FAM13A: variants seen among roughly 807,000 people sequenced by gnomAD.
FAM13A encodes family with sequence similarity 13 member A.
Under a neutral mutation model 129.6 loss-of-function variants are expected in FAM13A, and 76 were observed. The observed-to-expected ratio is 0.59, with a 90% CI of 0.49 to 0.71. FAM13A has a LOEUF of 0.71. Among genes scored for constraint, FAM13A ranks in the 30% least tolerant of loss-of-function variants. The pLI is 0.00. For missense variants in FAM13A, 1,108 were observed against 1,249.3 expected (o/e 0.89, Z 1.70); for synonymous variants, 443 against 449.9 (o/e 0.98, Z 0.20).
At chr4:88,967,015 C>T (rs536320491) in intron 4 of FAM13A, among the ~76,000 whole-genome samples, 1 of 152,308 alleles carries the variant, frequency 6.6e-6, no homozygotes, top group African/African-American at 2.4e-5. Context: ...TGGCTCTTTA[C>T]TAGCCGCATG....
intron 5 of FAM13A, chr4:88,937,696 G>A (rs1754064406): frequency 4.9e-6 from 1 of 203,064 alleles, no homozygotes; most frequent in Admixed American, 5.9e-5. Context: ...GAGACAAAAA[G>A]ACACAGTAAT....
intron 5 of FAM13A, among the ~76,000 whole-genome samples, chr4:88,920,492 T>A (rs571488193): frequency 1.3e-5 from 2 of 152,320 alleles, no homozygotes; most frequent in South Asian, 4.1e-4. Flanking sequence ...CTGAGGGTCC[T>A]GTCTGTTAGA....
chr4:88,883,146 T>C (rs1483966314), intron 6 of FAM13A, among the ~76,000 whole-genome samples: 1 of 152,084 alleles, frequency 6.6e-6, no homozygotes, highest in East Asian at 1.9e-4. Context: ...ATTTAAACTA[T>C]ACCTTAAAAC....
rs780349978 is a variant in FAM13A, at chr4:88,749,776, ACTT to A, written c.2071_2073del (p.Lys691del). 1.2e-6 allele frequency: 2 copies of A among 1,614,032 alleles called. No homozygotes were observed. The highest frequency in any genetic ancestry group is 2.2e-5 in the East Asian group (1 of 44,870). On this transcript the variant is annotated inframe_deletion, in exon 16 of 24. Coordinates refer to ENST00000264344, the MANE Select transcript of FAM13A (RefSeq NM_014883.4). The stretch of plus-strand genomic sequence containing the variant: ...CAGTGTGAGGGGACACTTACTCTGT[ACTT>A]CTTCTCTTCTTCGAATCTATCTTCA...
intron 1 of FAM13A, among the ~76,000 whole-genome samples, chr4:89,040,930 C>T (rs1402480395): frequency 6.6e-6 from 1 of 152,126 alleles, no homozygotes; most frequent in Non-Finnish European, 1.5e-5. Context: ...AGTCTTCTGC[C>T]CTCCACCTCT....
intron 14 of FAM13A, among the ~76,000 whole-genome samples, chr4:88,757,240 T>C (rs1424979735): frequency 6.6e-6 from 1 of 152,150 alleles, no homozygotes; most frequent in African/African-American, 2.4e-5. Flanking sequence ...AATTTATGAC[T>C]AACCAAGATA....
At chr4:88,906,232 G>C in intron 6 of FAM13A, 147 bp downstream of exon 6, 2 of 600,284 alleles carry the variant, frequency 3.3e-6, no homozygotes, top group Non-Finnish European at 5.9e-6. Context: ...AGGTTGCAGT[G>C]AGCTGAGATT....
At chr4:88,967,659 C>T (rs1759526122) in intron 4 of FAM13A, among the ~76,000 whole-genome samples, 1 of 152,176 alleles carries the variant, frequency 6.6e-6, no homozygotes, top group Non-Finnish European at 1.5e-5. Flanking sequence ...CCTTACAACA[C>T]AGAAAAGATG....
chr4:89,056,908 C>T, intron 1 of FAM13A, 30 bp downstream of exon 1: 1 of 1,606,330 alleles, frequency 6.2e-7, no homozygotes, highest in Non-Finnish European at 8.5e-7. Flanking sequence ...TGGCAGTAAA[C>T]ACAGAAGACA....
chr4:89,057,114 T>G lies in FAM13A; in HGVS notation c.-150A>C. On this transcript the variant is annotated 5_prime_UTR_variant, in exon 1 of 24. Coordinates refer to ENST00000264344, the MANE Select transcript of FAM13A (RefSeq NM_014883.4). ...CCCAAGGTAAGCGAAGAGCAGCTTC[T>G]AACATTTTAGGAAGAGTGGTTTTGC... 2 of 1,460,772 alleles carry G rather than the reference T, an allele frequency of 1.4e-6. No homozygotes were observed. The highest frequency in any genetic ancestry group is 3.0e-5 in the South Asian group (2 of 67,108). The allele number at this position is 1,460,772 out of a possible 1,614,324, so 90.5% of individuals were successfully genotyped here.
At chr4:88,897,176 T>C (rs1746492836) in intron 6 of FAM13A, among the ~76,000 whole-genome samples, 1 of 152,236 alleles carries the variant, frequency 6.6e-6, no homozygotes, top group Non-Finnish European at 1.5e-5. Context: ...CAAGGACCTA[T>C]GTTGTTCTAC....
intron 13 of FAM13A, among the ~76,000 whole-genome samples, chr4:88,766,427 G>A (rs1385450680): frequency 6.6e-6 from 1 of 152,160 alleles, no homozygotes; most frequent in Non-Finnish European, 1.5e-5. Context: ...TCAGAAAGAG[G>A]AAGCATTCCC....
Position 88,851,018 on chromosome 4 carries a change from A to C in FAM13A, c.1007+2T>G. ...TTGTGTAGATAAAGAAAACATGCCA[A>C]CCTGGGTACCAACTTGGCACTAATA... On this transcript the variant is annotated splice_donor_variant, in intron 7 of 23. Transcript: ENST00000264344. LOFTEE classifies it high-confidence loss of function. 1 of 1,613,750 alleles carries C rather than the reference A, an allele frequency of 6.2e-7. No homozygotes were observed. The highest frequency in any genetic ancestry group is 8.5e-7 in the Non-Finnish European group (1 of 1,179,712).
At chr4:89,020,734 A>G (rs953939040) in intron 2 of FAM13A, 65 bp from the exon 3 acceptor site, 8 of 1,028,668 alleles carry the variant, frequency 7.8e-6, no homozygotes, top group Middle Eastern at 2.4e-4. Flanking sequence ...GTAAAGAATG[A>G]TAACAACACA....
chr4:89,044,728 T>C (rs895694602), intron 1 of FAM13A, among the ~76,000 whole-genome samples: 2 of 152,126 alleles, frequency 1.3e-5, no homozygotes, highest in Non-Finnish European at 2.9e-5. Flanking sequence ...TAAAATGGAA[T>C]ATTATTCAGG....
At chr4:88,767,012 T>G (rs1179914815) in intron 13 of FAM13A, among the ~76,000 whole-genome samples, 2 of 152,248 alleles carry the variant, frequency 1.3e-5, no homozygotes, top group Admixed American at 1.3e-4. Context: ...TGGTGATGCC[T>G]GAGAGGACAA....
intron 1 of FAM13A, among the ~76,000 whole-genome samples, chr4:89,036,499 C>A (rs1254066391): frequency 6.6e-6 from 1 of 152,128 alleles, no homozygotes; most frequent in Non-Finnish European, 1.5e-5. Flanking sequence ...GAAAACAGAG[C>A]ATAAAAGTTT....
intron 4 of FAM13A, among the ~76,000 whole-genome samples, chr4:88,974,648 A>G (rs994257418): frequency 3.9e-5 from 6 of 152,068 alleles, no homozygotes; most frequent in Non-Finnish European, 8.8e-5. Context: ...GGCTAATTTT[A>G]TATTTTAAAC....
chr4:88,881,866 G>A (rs1743632830), intron 6 of FAM13A, among the ~76,000 whole-genome samples: 1 of 151,980 alleles, frequency 6.6e-6, no homozygotes, highest in Non-Finnish European at 1.5e-5. Flanking sequence ...AATCAAACAG[G>A]TAGAAGAAGG....
Sources: allele counts gnomAD v4.1 joint callset (sites outside exome capture counted in the v4.1 genomes callset), GRCh38; gene constraint gnomAD v4.1.1; transcripts MANE v1.5; gene names NCBI Gene and HGNC (gene_info 2026-07-23, HGNC 2026-07-21).